HPSE: variants seen among roughly 807,000 people sequenced by gnomAD.
HPSE encodes the protein heparanase.
Under a neutral mutation model 65.1 loss-of-function variants are expected in HPSE, and 48 were observed. That is an observed-to-expected ratio of 0.74 (90% confidence interval 0.58 to 0.94). The LOEUF (loss-of-function observed/expected upper bound fraction) is 0.94. HPSE is among the 40% of genes least tolerant of loss of function. HPSE has a pLI of 0.00. For synonymous variants in HPSE, 243 were observed against 260.0 expected (o/e 0.93, Z 0.63); for missense variants, 644 against 637.5 (o/e 1.01, Z -0.11).
At position 83,308,056 on chromosome 4, in the gene HPSE, A is replaced by G. The variant is rs565033755; in HGVS notation, c.1091+789T>C. 3.3e-5 allele frequency among the ~76,000 whole-genome samples: 5 copies of G among 151,646 alleles called. No individual in the cohort carries two copies. The South Asian group carries it at 8.3e-4, about 25-fold the overall frequency. The stretch of plus-strand genomic sequence containing the variant: ...TGAATTATAGCTACATACACTAAGT[A>G]TCCTCCTGAGAGACAAAGCTGTAAT... On this transcript the variant is annotated intron_variant, in intron 8 of 11. Coordinates refer to ENST00000311412, the MANE Select transcript of HPSE (RefSeq NM_001098540.3).
chr4:83,300,601 TCAGG>T (rs1735905512), intron 11 of HPSE, among the ~76,000 whole-genome samples: 1 of 85,018 alleles, frequency 1.2e-5, no homozygotes. Context: ...GATCACGAGG[TCAGG>T]AGATCGAGAC....
chr4:83,324,251 T>G (rs1737050885), intron 1 of HPSE, among the ~76,000 whole-genome samples: 1 of 151,278 alleles, frequency 6.6e-6, no homozygotes, highest in Non-Finnish European at 1.5e-5. Flanking sequence ...CCTCCCAAAG[T>G]GTTGGGATTA....
intron 3 of HPSE, among the ~76,000 whole-genome samples, chr4:83,317,044 G>A (rs1198390070): frequency 2.6e-5 from 4 of 152,032 alleles, no homozygotes; most frequent in Non-Finnish European, 5.9e-5. Context: ...GACTACAGGC[G>A]CCCGCCACCA....
At chr4:83,312,861 A>T (rs1736457772) in intron 4 of HPSE, among the ~76,000 whole-genome samples, 1 of 134,642 alleles carries the variant, frequency 7.4e-6, no homozygotes, top group Admixed American at 7.6e-5. Context: ...AAAAAAAAAA[A>T]AAAAAAAAAA....
chr4:83,305,217 G>C (rs981599719), intron 9 of HPSE, among the ~76,000 whole-genome samples: 1 of 152,178 alleles, frequency 6.6e-6, no homozygotes, highest in Non-Finnish European at 1.5e-5. Flanking sequence ...GGAAAATTTG[G>C]ATGAGATAAA....
intron 1 of HPSE, among the ~76,000 whole-genome samples, chr4:83,331,026 G>A (rs2126198804): frequency 6.6e-6 from 1 of 152,300 alleles, no homozygotes; most frequent in Non-Finnish European, 1.5e-5. Context: ...CCAACATGGT[G>A]AAACCCTGTC....
Position 83,294,016 on chromosome 4 carries a change from A to G in HPSE, c.*1328T>C, listed in dbSNP as rs1735638411. 1 of 152,200 alleles carries G rather than the reference A, an allele frequency of 6.6e-6. No homozygotes were observed. Among genetic ancestry groups the G allele is most frequent in the Non-Finnish European group, 1.5e-5 (1 of 68,042 alleles). 9.4% of individuals were successfully genotyped at this position (152,200 alleles called of 1,614,324 possible). A position where few individuals can be genotyped will look rare whatever the true frequency, so the allele number is the denominator to read the frequency against. On this transcript the variant is annotated 3_prime_UTR_variant, in exon 12 of 12. Transcript: ENST00000311412. ...TAAGCACCTTCTTAAAACTCATAATATATCCTTCGCTTCCTTGCTTCCTGA... is the reference window on the plus strand; with the variant it reads ...TAAGCACCTTCTTAAAACTCATAATGTATCCTTCGCTTCCTTGCTTCCTGA...
chr4:83,295,409 C>G lies in HPSE; in HGVS notation c.1567G>C (p.Gly523Arg). The part of the protein sequence containing the change: ...EKPLRPGSSL[G>R]LPAFSYSFFV... ...AAACTATATGAGAAAGCTGGCAAGC[C>G]CAGTGAACTTCCTGGCCGGAGAGGT... is the stretch of plus-strand genomic sequence containing the variant. The change falls in exon 12 of 12, where the codon GGC (glycine) becomes CGC (arginine). Residue 523 changes from glycine (G) to arginine (R), a missense_variant. Gly to Arg is a moderately radical substitution (Grantham distance 125). Coordinates refer to ENST00000311412, the MANE Select transcript of HPSE (RefSeq NM_001098540.3). 1 of 1,613,260 alleles carries G rather than the reference C, an allele frequency of 6.2e-7. No homozygotes were observed. Among genetic ancestry groups the G allele is most frequent in the Non-Finnish European group, 8.5e-7 (1 of 1,179,502 alleles).
At chr4:83,296,343 A>G (rs1735721290) in intron 11 of HPSE, among the ~76,000 whole-genome samples, 1 of 152,148 alleles carries the variant, frequency 6.6e-6, no homozygotes, top group Non-Finnish European at 1.5e-5. Context: ...TATGTTTTAT[A>G]TTGTCAACAA....
Position 83,313,163 on chromosome 4 carries a change from C to T in HPSE, c.624G>A (p.Leu208=). The change falls in exon 4 of 12, where the codon CTG becomes CTA. Residue 208 remains leucine, a synonymous_variant. Transcript: ENST00000311412. ...QWNSSNAQLL[L]DYCSSKGYNI... is the part of the protein sequence containing the mutation. ...TATACCCCTTGGAAGAGCAGTAGTC[C>T]AGGAGCAACTGAGCATTAGAACTGT... is the stretch of plus-strand genomic sequence containing the variant. 1.2e-6 allele frequency: 2 copies of T among 1,613,958 alleles called. No individual in the cohort carries two copies. The highest frequency in any genetic ancestry group is 1.7e-6 in the Non-Finnish European group (2 of 1,179,898).
chr4:83,334,962 G>A (rs949231204), upstream of HPSE: 8 of 1,003,790 alleles, frequency 8.0e-6, no homozygotes, highest in Admixed American at 3.2e-5. Context: ...CCCTCCCACT[G>A]CTCCCAATCC....
intron 3 of HPSE, 34 bp from the exon 4 acceptor site, chr4:83,313,321 T>C (rs1400844860): frequency 6.6e-7 from 1 of 1,513,274 alleles, no homozygotes; most frequent in South Asian, 1.3e-5. Context: ...AATGGTTAGA[T>C]TGGCACCACA....
chr4:83,318,332 A>T (rs1736736082), intron 3 of HPSE, among the ~76,000 whole-genome samples: 1 of 152,110 alleles, frequency 6.6e-6, no homozygotes, highest in Non-Finnish European at 1.5e-5. Context: ...TCATAGTTAA[A>T]AAAGGATTGT....
intron 9 of HPSE, among the ~76,000 whole-genome samples, chr4:83,304,166 T>C (rs74945235): frequency 0.015 from 2,356 of 152,184 alleles, 20 homozygotes; most frequent in Non-Finnish European, 0.024. Context: ...AGGAAAAGGA[T>C]TTTTAGTCTC....
chr4:83,312,425 C>G (rs1203274416), intron 4 of HPSE, among the ~76,000 whole-genome samples: 1 of 152,186 alleles, frequency 6.6e-6, no homozygotes, highest in Non-Finnish European at 1.5e-5. Flanking sequence ...CGCCTGTAAT[C>G]CCACCACTTT....
chr4:83,319,062 C>G (rs1318978416), intron 3 of HPSE, among the ~76,000 whole-genome samples: 1 of 152,076 alleles, frequency 6.6e-6, no homozygotes, highest in Non-Finnish European at 1.5e-5. Context: ...TTCATGTTTT[C>G]CTTGACTCCG....
At chr4:83,303,124 A>G (rs528577886) in intron 9 of HPSE, among the ~76,000 whole-genome samples, 1 of 127,810 alleles carries the variant, frequency 7.8e-6, no homozygotes, top group Non-Finnish European at 1.7e-5. Context: ...CCAGAAGCAG[A>G]TAATAAAGAA....
chr4:83,312,483 C>G (rs1357669738), intron 4 of HPSE, among the ~76,000 whole-genome samples: 4 of 151,640 alleles, frequency 2.6e-5, no homozygotes, highest in African/African-American at 9.7e-5. Flanking sequence ...AGAGACCATC[C>G]TGGCTAACAC....
Position 83,334,625 on chromosome 4 carries a change from C to T in HPSE, c.158G>A (p.Ser53Asn). 1 of 1,591,120 alleles carries T rather than the reference C, an allele frequency of 6.3e-7. No individual in the cohort carries two copies. The highest frequency in any genetic ancestry group is 1.1e-5 in the South Asian group (1 of 87,388). The change falls in exon 1 of 12, where the codon AGC becomes AAC. Residue 53 changes from serine (S) to asparagine (N), a missense_variant. Coordinates refer to ENST00000311412, the MANE Select transcript of HPSE (RefSeq NM_001098540.3). The stretch of plus-strand genomic sequence containing the variant: ...AATGGTGACGGACAGGAACGAGGGG[C>T]TCACCAGGTGCAGCGGCTCCTGGGT... ...FFTQEPLHLV[S>N]PSFLSVTIDA...
Sources: allele counts gnomAD v4.1 joint callset (sites outside exome capture counted in the v4.1 genomes callset), GRCh38; gene constraint gnomAD v4.1.1; transcripts MANE v1.5; gene names NCBI Gene and HGNC (gene_info 2026-07-23, HGNC 2026-07-21).